Variants in ZNF430 observed in about 807,000 individuals in gnomAD.
ZNF430 encodes the protein zinc finger protein 430.
ZNF430 carries 35 observed loss-of-function variants against 56.7 expected under a neutral mutation model. The observed-to-expected ratio is 0.62, with a 90% CI of 0.47 to 0.82. The LOEUF (loss-of-function observed/expected upper bound fraction) is 0.82. ZNF430 is among the 40% of genes least tolerant of loss of function. The pLI, the probability that ZNF430 is intolerant of heterozygous loss-of-function variation, is 0.00. For synonymous variants in ZNF430, 212 were observed against 224.3 expected, an observed-to-expected ratio of 0.94 and a Z score of 0.49; for missense variants, 574 against 661.0, an observed-to-expected ratio of 0.87 and a Z score of 1.44.
In ZNF430 at chr19:21,059,588, T is replaced by C. The variant is rs1968435766; in HGVS notation, c.*1567T>C. ...CAACTAAAGTTGGTAGAAAAATTAT[T>C]TGTATATAACTTTAAAAGGAGTAGA... On this transcript the variant is annotated 3_prime_UTR_variant, in exon 5 of 5. Transcript: ENST00000261560. 6.6e-6 allele frequency: 1 copy of C among 151,928 alleles called. No individual in the cohort carries two copies. Among genetic ancestry groups the C allele is most frequent in the Non-Finnish European group, 1.5e-5 (1 of 67,998 alleles). The allele number at this position is 151,928 out of a possible 1,614,324, so 9.4% of individuals were successfully genotyped here.
intron 2 of ZNF430, among the ~76,000 whole-genome samples, chr19:21,025,524 C>G (rs1314587254): frequency 6.6e-6 from 1 of 152,136 alleles, no homozygotes; most frequent in African/African-American, 2.4e-5. Flanking sequence ...TAGGTCTCAG[C>G]CTCATTTTAC....
intron 4 of ZNF430, among the ~76,000 whole-genome samples, chr19:21,048,277 G>T (rs1420446784): frequency 7.1e-6 from 1 of 139,968 alleles, no homozygotes; most frequent in African/African-American, 2.6e-5. Flanking sequence ...GGGAAGGTAA[G>T]CAGATAAACA....
At chr19:21,025,310 T>G (rs1232406683) in intron 2 of ZNF430, among the ~76,000 whole-genome samples, 3 of 152,260 alleles carry the variant, frequency 2.0e-5, no homozygotes. Context: ...CATGGCATTT[T>G]GTAAACTGTC....
intron 2 of ZNF430, among the ~76,000 whole-genome samples, chr19:21,023,859 T>C (rs945745669): frequency 2.0e-5 from 3 of 152,192 alleles, no homozygotes; most frequent in African/African-American, 7.2e-5. Context: ...GACTAACTGT[T>C]TACTAAATGA....
intron 4 of ZNF430, among the ~76,000 whole-genome samples, chr19:21,055,433 AGT>A (rs916055719): frequency 3.4e-5 from 5 of 147,476 alleles, no homozygotes; most frequent in African/African-American, 1.2e-4. Flanking sequence ...TTCTTTTTTT[AGT>A]TTTTTTTTTT....
chr19:21,037,848 T>G (rs1054372420), intron 4 of ZNF430, among the ~76,000 whole-genome samples: 2 of 152,220 alleles, frequency 1.3e-5, no homozygotes, highest in African/African-American at 4.8e-5. Flanking sequence ...GCATGTCATT[T>G]CAAATGCTTT....
intron 4 of ZNF430, among the ~76,000 whole-genome samples, chr19:21,045,773 A>C (rs1968177502): frequency 6.6e-6 from 1 of 152,164 alleles, no homozygotes; most frequent in African/African-American, 2.4e-5. Context: ...TGATTCCTTT[A>C]GCATTATGTA....
chr19:21,031,964 A>G (rs749179231), intron 2 of ZNF430, among the ~76,000 whole-genome samples: 1 of 152,152 alleles, frequency 6.6e-6, no homozygotes, highest in Non-Finnish European at 1.5e-5. Context: ...TCTCTACATC[A>G]TGGCTTCTTA....
At chr19:21,047,689 G>C (rs941478282) in intron 4 of ZNF430, among the ~76,000 whole-genome samples, 2 of 152,186 alleles carry the variant, frequency 1.3e-5, no homozygotes, top group Non-Finnish European at 2.9e-5. Context: ...CTGCAGAATA[G>C]CAGAGAGGAC....
At chr19:21,039,499 C>T (rs1223238876) in intron 4 of ZNF430, among the ~76,000 whole-genome samples, 1 of 135,334 alleles carries the variant, frequency 7.4e-6, no homozygotes, top group Non-Finnish European at 1.6e-5. Context: ...CAGAGTCTCA[C>T]TCTGTTGCCC....
intron 1 of ZNF430, among the ~76,000 whole-genome samples, chr19:21,021,751 G>GT: frequency 6.6e-6 from 1 of 150,764 alleles, no homozygotes; most frequent in Non-Finnish European, 1.5e-5. Flanking sequence ...TTAATTGGCA[G>GT]TATACAGTTG....
intron 4 of ZNF430, chr19:21,053,309 A>T (rs1310185155): frequency 6.6e-6 from 1 of 152,082 alleles, no homozygotes; most frequent in African/African-American, 2.4e-5. Context: ...CTTTATTTCC[A>T]TGTAACCTGC....
chr19:21,039,839 A>T (rs78343843), intron 4 of ZNF430, among the ~76,000 whole-genome samples: 1 of 151,644 alleles, frequency 6.6e-6, no homozygotes, highest in Non-Finnish European at 1.5e-5. Flanking sequence ...TGGTTTTCTT[A>T]TATTTATTTG....
intron 2 of ZNF430, chr19:21,026,106 T>C: frequency 2.7e-5 from 6 of 219,270 alleles, no homozygotes; most frequent in Non-Finnish European, 5.4e-5. Flanking sequence ...TCTCCGTCTC[T>C]TGACCTCATG....
chr19:21,048,848 G>A (rs911282749), intron 4 of ZNF430, among the ~76,000 whole-genome samples: 2 of 151,964 alleles, frequency 1.3e-5, no homozygotes, highest in Non-Finnish European at 2.9e-5. Context: ...GTGGCTGGCC[G>A]GGCAGGGGCT....
At chr19:21,054,831 C>T (rs962780279) in intron 4 of ZNF430, among the ~76,000 whole-genome samples, 2 of 151,862 alleles carry the variant, frequency 1.3e-5, no homozygotes, top group Admixed American at 6.6e-5. Context: ...CCCGCCACCA[C>T]GCCCGGCTGA....
chr19:21,029,710 T>A (rs1473045887), intron 2 of ZNF430, among the ~76,000 whole-genome samples: 2 of 152,188 alleles, frequency 1.3e-5, no homozygotes, highest in Non-Finnish European at 2.9e-5. Flanking sequence ...CTCACACCTG[T>A]AATCCCAACA....
At chr19:21,026,667 G>A (rs572375480) in intron 2 of ZNF430, among the ~76,000 whole-genome samples, 6 of 152,122 alleles carry the variant, frequency 3.9e-5, no homozygotes, top group South Asian at 2.1e-4. Context: ...ATTTTTGTAC[G>A]TGTATTTTGT....
chr19:21,059,965 TTTTA>T lies in ZNF430; in HGVS notation c.*1949_*1952del, dbSNP rs1457915743. 6.6e-6 allele frequency: 1 copy of T among 152,138 alleles called. No individual in the cohort carries two copies. Among genetic ancestry groups the T allele is most frequent in the African/African-American group, 2.4e-5 (1 of 41,444 alleles). 9.4% of individuals were successfully genotyped at this position (152,138 alleles called of 1,614,324 possible). A position where few individuals can be genotyped will look rare whatever the true frequency, so the allele number is the denominator to read the frequency against. On this transcript the variant is annotated 3_prime_UTR_variant, in exon 5 of 5. Transcript: ENST00000261560. ...TTTTGCGTTGTGAGAACATTTTTAATTTTATTTAAAATTAAATGAAAATAAATTA... is the reference window on the plus strand; with the variant it reads ...TTTTGCGTTGTGAGAACATTTTTAATTTTAAAATTAAATGAAAATAAATTA...
Sources: gnomAD v4.1 joint callset for allele counts (sites outside exome capture counted in the v4.1 genomes callset) on GRCh38, gnomAD v4.1.1 for gene constraint, MANE v1.5 for transcripts, NCBI Gene and HGNC (gene_info 2026-07-23, HGNC 2026-07-21) for gene names.